Variants in TLR6 observed in about 807,000 individuals in gnomAD.
TLR6 encodes the protein toll-like receptor 6.
TLR6 carries 9 observed loss-of-function variants against 16.1 expected under a neutral mutation model. The observed-to-expected ratio is 0.56, with a 90% confidence interval of 0.34 to 0.98. The LOEUF is 0.98. Among genes scored for constraint, TLR6 ranks in the 50% least tolerant of loss-of-function variants. The pLI, the probability that TLR6 is intolerant of heterozygous loss-of-function variation, is 0.02. For missense variants in TLR6, 786 were observed against 921.0 expected (o/e 0.85, Z 1.90); for synonymous variants, 340 against 338.6 (o/e 1.00, Z -0.04).
chr4:38,857,972 C>G (rs1478459575), upstream of TLR6, among the ~76,000 whole-genome samples: 1 of 152,178 alleles, frequency 6.6e-6, no homozygotes, highest in Non-Finnish European at 1.5e-5. Context: ...TAACCGTGGA[C>G]TAAAGTCTTA....
At chr4:38,849,684 C>T (rs1366483303) in intron 1 of TLR6, among the ~76,000 whole-genome samples, 1 of 151,340 alleles carries the variant, frequency 6.6e-6, no homozygotes, top group African/African-American at 2.4e-5. Flanking sequence ...ACAAAGAAGG[C>T]CATTGCATAA....
intron 1 of TLR6, among the ~76,000 whole-genome samples, chr4:38,830,696 C>G (rs1711529207): frequency 6.6e-6 from 1 of 151,860 alleles, no homozygotes; most frequent in Non-Finnish European, 1.5e-5. Flanking sequence ...GCCTGGGTGA[C>G]AGAATGAGAC....
At chr4:38,857,267 T>A (rs547004327), upstream of TLR6, among the ~76,000 whole-genome samples, 49 of 152,292 alleles carry the variant, frequency 3.2e-4, no homozygotes, top group African/African-American at 9.9e-4. Context: ...GGGTTTTTTT[T>A]TAAAAATCAA....
chr4:38,831,241 G>A (rs1211436033), intron 1 of TLR6, among the ~76,000 whole-genome samples: 1 of 149,202 alleles, frequency 6.7e-6, no homozygotes, highest in Non-Finnish European at 1.5e-5. Context: ...ACTCAGTGGA[G>A]AATGGATAGT....
chr4:38,850,430 T>C (rs1249743692), intron 1 of TLR6, among the ~76,000 whole-genome samples: 1 of 152,016 alleles, frequency 6.6e-6, no homozygotes, highest in East Asian at 1.9e-4. Context: ...AAAAAATCAA[T>C]GAATCCAGGA....
intron 1 of TLR6, among the ~76,000 whole-genome samples, chr4:38,831,452 G>A (rs1428204260): frequency 6.6e-6 from 1 of 152,114 alleles, no homozygotes; most frequent in African/African-American, 2.4e-5. Flanking sequence ...CTTTGGATTT[G>A]GTGATGACTT....
At chr4:38,842,948 G>A (rs1296061832) in intron 1 of TLR6, among the ~76,000 whole-genome samples, 1 of 151,880 alleles carries the variant, frequency 6.6e-6, no homozygotes, top group African/African-American at 2.4e-5. Flanking sequence ...ACATTAGACT[G>A]CAAGCCACAA....
At chr4:38,865,369 G>A in the TLR6 span, among the ~76,000 whole-genome samples, 1 of 152,160 alleles carries the variant, frequency 6.6e-6, no homozygotes, top group African/African-American at 2.4e-5. Context: ...ATGAGTAAAA[G>A]GGACAAATTT....
upstream of TLR6, among the ~76,000 whole-genome samples, chr4:38,859,854 C>A (rs1713158018): frequency 6.6e-6 from 1 of 152,056 alleles, no homozygotes; most frequent in South Asian, 2.1e-4. Context: ...GATTGAGCCA[C>A]CCCGCCCGGC....
intron 1 of TLR6, among the ~76,000 whole-genome samples, chr4:38,834,450 G>A (rs73236632): frequency 0.15 from 22,733 of 151,360 alleles, 2,302 homozygotes; most frequent in Middle Eastern, 0.41. Context: ...CAGAAGAGAT[G>A]AGCAAAGGGA....
chr4:38,834,349 C>CAA (rs1560265627), intron 1 of TLR6, among the ~76,000 whole-genome samples: 1 of 114,646 alleles, frequency 8.7e-6, no homozygotes, highest in African/African-American at 3.2e-5. Context: ...CCCAGTGAGG[C>CAA]GAAAAAAAAA....
At chr4:38,827,178 C>T (rs778888437) in exon 2 of TLR6, 6 of 1,614,186 alleles carry the variant, frequency 3.7e-6, no homozygotes, top group Non-Finnish European at 4.2e-6. Context: ...TTGCTTTTCT[C>T]CTTGGGCCAC....
exon 2 of TLR6, chr4:38,825,193 T>A (rs2381290): frequency 0.37 from 56,779 of 152,102 alleles, 11,780 homozygotes; most frequent in Middle Eastern, 0.52. Context: ...TCTCCTCCCA[T>A]CATCACTCCT....
At chr4:38,839,452 C>T (rs1712138963) in intron 1 of TLR6, among the ~76,000 whole-genome samples, 1 of 152,094 alleles carries the variant, frequency 6.6e-6, no homozygotes, top group Admixed American at 6.5e-5. Flanking sequence ...TTTTATCCTT[C>T]CCCACCACCA....
At chr4:38,857,719 G>A (rs141628846), upstream of TLR6, among the ~76,000 whole-genome samples, 767 of 152,082 alleles carry the variant, frequency 5.0e-3, 7 homozygotes, top group African/African-American at 0.017. Context: ...GGACATCTCC[G>A]TAAGAATCAC....
intron 1 of TLR6, among the ~76,000 whole-genome samples, chr4:38,836,165 A>G (rs1711904739): frequency 6.6e-6 from 1 of 152,152 alleles, no homozygotes; most frequent in Non-Finnish European, 1.5e-5. Flanking sequence ...ATTTAAAAAT[A>G]GAAAAGATCA....
upstream of TLR6, among the ~76,000 whole-genome samples, chr4:38,860,728 C>A (rs947753146): frequency 6.6e-6 from 1 of 152,050 alleles, no homozygotes; most frequent in Non-Finnish European, 1.5e-5. Context: ...AGAAATAGCT[C>A]AAACACATGG....
chr4:38,837,980 G>A (rs1433525246), intron 1 of TLR6, among the ~76,000 whole-genome samples: 2 of 152,076 alleles, frequency 1.3e-5, no homozygotes, highest in Admixed American at 1.3e-4. Context: ...AAATGGCCAA[G>A]AGTTATATGA....
intron 1 of TLR6, among the ~76,000 whole-genome samples, chr4:38,833,026 GTGCCACACAGGGTGTGGCACATGCA>G (rs1298843208): frequency 1.8e-4 from 27 of 152,184 alleles, no homozygotes; most frequent in African/African-American, 6.3e-4. Flanking sequence ...TGGCAGGGCA[GTGCCACACAGGGTGTGGCACATGCA>G]TGCCACACGG....
Sources: gnomAD v4.1 joint callset for allele counts (sites outside exome capture counted in the v4.1 genomes callset) on GRCh38, gnomAD v4.1.1 for gene constraint, MANE v1.5 for transcripts, NCBI Gene and HGNC (gene_info 2026-07-23, HGNC 2026-07-21) for gene names.